Variants in MAX observed in about 807,000 individuals in gnomAD.
MAX encodes MYC associated transcriptional regulator X, also known as protein max.
A neutral mutation model predicts 22.3 loss-of-function variants in MAX; 3 were observed. The ratio of observed to expected loss-of-function variants is 0.13; its 90% CI spans 0.06 to 0.35. The LOEUF is 0.35. Among genes scored for constraint, MAX ranks in the 10% least tolerant of loss-of-function variants. The probability of loss-of-function intolerance (pLI) is 1.00; values close to 1 mark genes in which losing one functional copy is unlikely to be tolerated. For missense variants in MAX, 119 were observed against 209.4 expected (o/e 0.57, Z 2.66); for synonymous variants, 72 against 77.7 (o/e 0.93, Z 0.39).
chr14:65,038,389 G>T (rs1448234586), intron 3 of MAX, among the ~76,000 whole-genome samples: 1 of 147,668 alleles, frequency 6.8e-6, no homozygotes, highest in African/African-American at 2.5e-5. Flanking sequence ...CAGCCCAGGT[G>T]ACAGTGTGAG....
chr14:65,059,854 G>A (rs972818861), intron 3 of MAX, among the ~76,000 whole-genome samples: 6 of 49,752 alleles, frequency 1.2e-4, no homozygotes, highest in Non-Finnish European at 2.2e-4. Flanking sequence ...TTTTTTTTTT[G>A]AGACAGAGTC....
At chr14:65,045,028 C>T (rs2062444440) in intron 3 of MAX, among the ~76,000 whole-genome samples, 1 of 152,152 alleles carries the variant, frequency 6.6e-6, no homozygotes, top group Admixed American at 6.5e-5. Context: ...GTTTGTTCCA[C>T]CTGCACCATT....
intron 3 of MAX, among the ~76,000 whole-genome samples, chr14:65,046,437 A>G (rs1234994490): frequency 6.6e-6 from 1 of 152,254 alleles, no homozygotes; most frequent in East Asian, 1.9e-4. Context: ...GGAATGAGCT[A>G]TAACAGGAGC....
At chr14:65,053,162 G>A (rs1403317374) in intron 3 of MAX, 1 of 1,158,274 alleles carries the variant, frequency 8.6e-7, no homozygotes, top group African/African-American at 1.6e-5. Context: ...TATTCCCCCA[G>A]GTGAGAAAGT....
At chr14:65,035,284 G>C (rs11850984) in intron 3 of MAX, among the ~76,000 whole-genome samples, 24,734 of 152,104 alleles carry the variant, frequency 0.16, 3,254 homozygotes, top group African/African-American at 0.35. Flanking sequence ...GGGGAAGGGA[G>C]GGACTAACTG....
At chr14:65,018,940 G>A (rs995790848) in intron 3 of MAX, among the ~76,000 whole-genome samples, 5 of 151,912 alleles carry the variant, frequency 3.3e-5, no homozygotes, top group African/African-American at 9.7e-5. Flanking sequence ...GAGAAACCCC[G>A]TCTCTACTAA....
intron 3 of MAX, among the ~76,000 whole-genome samples, chr14:65,042,800 C>T (rs1595079438): frequency 6.6e-6 from 1 of 152,190 alleles, no homozygotes; most frequent in Admixed American, 6.5e-5. Flanking sequence ...AATGAGGAAC[C>T]GACTCCCACT....
intron 3 of MAX, among the ~76,000 whole-genome samples, chr14:65,037,752 ATTTATTTATTTATTTATTTAT>A (rs2062242532): frequency 1.9e-5 from 2 of 103,956 alleles, no homozygotes; most frequent in South Asian, 2.9e-4. Flanking sequence ...TTATTTATTT[ATTTATTTATTTATTTATTTAT>A]TTATTTATTT....
Position 65,014,680 on chromosome 14 carries a change from G to A in MAX, c.172-8396C>T, listed in dbSNP as rs1018677156. Among the ~76,000 whole-genome samples, 1 of 152,112 alleles carries A rather than the reference G, an allele frequency of 6.6e-6. No homozygotes were observed. The highest frequency in any genetic ancestry group is 2.4e-5 in the African/African-American group (1 of 41,422). ...ACTTAAAAAATTAGCCAGGCATAGT[G>A]GTGTGTGCCCGTAGTCCCAGCTACT... On this transcript the variant is annotated intron_variant, in intron 3 of 3. Transcript: ENST00000341653. The surrounding 1 kb of genome is among the most constrained non-coding windows in gnomAD (Gnocchi z 5.1).
At chr14:65,083,939 C>A (rs943877387) in intron 3 of MAX, 8 of 1,338,176 alleles carry the variant, frequency 6.0e-6, no homozygotes, top group Admixed American at 3.2e-5. Flanking sequence ...AAATTTGGAT[C>A]CACATTAAAC....
chr14:65,094,288 A>C, intron 2 of MAX: 1 of 228,520 alleles, frequency 4.4e-6, no homozygotes, highest in Non-Finnish European at 8.9e-6. Flanking sequence ...TTAATGTGAA[A>C]CCATCACCAT....
At position 65,076,071 on chromosome 14, in the gene MAX, C is replaced by A; in HGVS notation, c.*405G>T. On this transcript the variant is annotated 3_prime_UTR_variant, in exon 5 of 5. Transcript: ENST00000358664. This position sits in a 1 kb window ranked among gnomAD's most constrained non-coding sequence, Gnocchi z 6.6. Reference sequence around the variant, plus strand: ...TCACAAAGTCTATCAGAGGTGAGGGCGGGCCAGGAGGCCACCTGGGCAGGG... The same window carrying A: ...TCACAAAGTCTATCAGAGGTGAGGGAGGGCCAGGAGGCCACCTGGGCAGGG... 8.2e-7 allele frequency: 1 copy of A among 1,220,904 alleles called. No homozygotes were observed. The highest frequency in any genetic ancestry group is 2.4e-5 in the South Asian group (1 of 42,390). 75.6% of individuals were successfully genotyped at this position (1,220,904 alleles called of 1,614,324 possible).
At chr14:65,096,671 G>GTA (rs1465722410) in intron 2 of MAX, among the ~76,000 whole-genome samples, 9 of 152,074 alleles carry the variant, frequency 5.9e-5, no homozygotes, top group Non-Finnish European at 1.3e-4. Flanking sequence ...GACTCCCAGT[G>GTA]TAAGGCATCT....
chr14:65,013,580 C>A (rs551471617), intron 3 of MAX, among the ~76,000 whole-genome samples: 1 of 152,158 alleles, frequency 6.6e-6, no homozygotes, highest in African/African-American at 2.4e-5. Context: ...GATGGAGTCT[C>A]GCTGTATTTC....
chr14:65,067,969 TA>T (rs774229882), intron 3 of MAX, among the ~76,000 whole-genome samples: 7 of 151,942 alleles, frequency 4.6e-5, no homozygotes, highest in Non-Finnish European at 8.8e-5. Context: ...GCCACAGAGG[TA>T]AAGTACCATT....
rs1452901008 is a variant in MAX, at chr14:65,061,033, A to G, written c.171+32675T>C. The stretch of plus-strand genomic sequence containing the variant: ...TCCCATGTACTAGATAGTTTTAGCA[A>G]ATACACCATTTTTGAACCTTTGGGC... On this transcript the variant is annotated intron_variant, in intron 3 of 3. Coordinates refer to the MAX transcript ENST00000341653. 9 of 1,315,808 alleles carry G rather than the reference A, an allele frequency of 6.8e-6. No homozygotes were observed. The East Asian group carries it at 1.9e-4, about 28-fold the overall frequency. The allele number at this position is 1,315,808 out of a possible 1,614,324, so 81.5% of individuals were successfully genotyped here.
chr14:65,073,692 G>A (rs1186678141), downstream of MAX, among the ~76,000 whole-genome samples: 1 of 152,170 alleles, frequency 6.6e-6, no homozygotes, highest in African/African-American at 2.4e-5. Context: ...ACTCACACTC[G>A]CTTCCTAGAC....
At chr14:65,098,013 G>A (rs1031438227) in intron 2 of MAX, among the ~76,000 whole-genome samples, 1 of 152,052 alleles carries the variant, frequency 6.6e-6, no homozygotes, top group African/African-American at 2.4e-5. Flanking sequence ...ATCCAAACAG[G>A]GCCTCATACT....
chr14:65,057,469 C>T (rs2062762169), intron 3 of MAX, among the ~76,000 whole-genome samples: 1 of 152,052 alleles, frequency 6.6e-6, no homozygotes, highest in Non-Finnish European at 1.5e-5. Flanking sequence ...TTGAAGTGGT[C>T]AAATCTATTT....
Sources: gnomAD v4.1 joint callset for allele counts (sites outside exome capture counted in the v4.1 genomes callset) on GRCh38, gnomAD v4.1.1 for gene constraint, Gnocchi (gnomAD v3.1) non-coding constraint, MANE v1.5 for transcripts, NCBI Gene and HGNC (gene_info 2026-07-23, HGNC 2026-07-21) for gene names.